The following STOX1 variants were observed in gnomAD, a reference collection of about 807,000 sequenced individuals.
STOX1 encodes storkhead-box protein 1.
STOX1 carries 57 observed loss-of-function variants against 74.8 expected under a neutral mutation model. The observed-to-expected ratio is 0.76, with a 90% CI of 0.62 to 0.95. STOX1 has a LOEUF of 0.95. STOX1 is among the 40% of genes least tolerant of loss of function. STOX1 has a pLI of 0.00. For missense variants in STOX1, 1,010 were observed against 1,117.0 expected (o/e 0.90, Z 1.37); for synonymous variants, 375 against 401.3 (o/e 0.93, Z 0.78).
chr10:68,886,040 AC>A lies in STOX1; in HGVS notation c.2245del (p.Arg749ValfsTer21). 2.5e-6 allele frequency: 4 copies of A among 1,614,272 alleles called. No homozygotes were observed. Among genetic ancestry groups the A allele is most frequent in the African/African-American group, 1.3e-5 (1 of 75,076 alleles). On this transcript the variant is annotated frameshift_variant, in exon 3 of 4. Coordinates refer to ENST00000298596, the MANE Select transcript of STOX1 (RefSeq NM_152709.5). LOFTEE classifies it high-confidence loss of function. Reference protein sequence around the residue: ...EDDISENDDLRQMLPGHSQYS... With the variant: ...EDDISENDDLXQMLPGHSQYS... ...ATGACATTTCTGAGAATGACGACTT[AC>A]GTCAAATGCTGCCTGGCCACAGTCA...
At chr10:68,835,069 C>G (rs1839509724) in intron 1 of STOX1, among the ~76,000 whole-genome samples, 2 of 147,218 alleles carry the variant, frequency 1.4e-5, no homozygotes, top group South Asian at 2.2e-4. Context: ...TGAGATGGAG[C>G]CTTGCTCTTT....
intron 1 of STOX1, among the ~76,000 whole-genome samples, chr10:68,857,780 A>G (rs935247787): frequency 4.6e-5 from 7 of 152,020 alleles, no homozygotes; most frequent in Non-Finnish European, 1.0e-4. Flanking sequence ...GGCACCATGC[A>G]CTGGGCTGCC....
chr10:68,834,746 A>G (rs748888836), intron 1 of STOX1, among the ~76,000 whole-genome samples: 1 of 152,130 alleles, frequency 6.6e-6, no homozygotes, highest in African/African-American at 2.4e-5. Flanking sequence ...GTTTTTTGAG[A>G]TGGAGTCTCA....
At chr10:68,837,204 C>T (rs1839578267) in intron 1 of STOX1, among the ~76,000 whole-genome samples, 1 of 152,194 alleles carries the variant, frequency 6.6e-6, no homozygotes. Context: ...GAATCCCATG[C>T]ATATGTGTAT....
At chr10:68,843,542 TG>T (rs763244077) in intron 1 of STOX1, among the ~76,000 whole-genome samples, 14 of 150,992 alleles carry the variant, frequency 9.3e-5, no homozygotes, top group African/African-American at 1.7e-4. Flanking sequence ...CCGGTTTTTT[TG>T]TTGTTGTTGT....
intron 1 of STOX1, among the ~76,000 whole-genome samples, chr10:68,872,342 C>CTTTCTTTTTTTTTTT: frequency 1.1e-5 from 1 of 89,326 alleles, no homozygotes; most frequent in Non-Finnish European, 2.3e-5. Flanking sequence ...TTTTTCTTTT[C>CTTTCTTTTTTTTTTT]TTTTTTTTTT....
intron 1 of STOX1, among the ~76,000 whole-genome samples, chr10:68,844,800 T>A (rs1459282099): frequency 2.0e-5 from 3 of 152,188 alleles, no homozygotes; most frequent in Non-Finnish European, 4.4e-5. Context: ...TCTCACTTTG[T>A]CACCCAGGCT....
chr10:68,854,476 T>G (rs868842571), intron 1 of STOX1, among the ~76,000 whole-genome samples: 1 of 151,944 alleles, frequency 6.6e-6, no homozygotes, highest in South Asian at 2.1e-4. Context: ...TTTGTTATTT[T>G]TAGTAGAGAT....
At chr10:68,868,314 A>C (rs1162940931) in intron 1 of STOX1, among the ~76,000 whole-genome samples, 1 of 152,258 alleles carries the variant, frequency 6.6e-6, no homozygotes, top group Non-Finnish European at 1.5e-5. Context: ...TGCAGTTTAT[A>C]GATTAACTAA....
intron 1 of STOX1, among the ~76,000 whole-genome samples, chr10:68,855,126 T>A (rs1445214846): frequency 0.073 from 88 of 1,200 alleles, no homozygotes; most frequent in African/African-American, 0.21. Flanking sequence ...AAAAAAAAAT[T>A]TTTTTTTTTT....
rs183735838 is a variant in STOX1, at chr10:68,864,170, C to T, written c.311-17788C>T. Among the ~76,000 whole-genome samples, 240 of 152,086 alleles carry T rather than the reference C, an allele frequency of 1.6e-3. 2 individuals are homozygous for T. The highest frequency in any genetic ancestry group is 5.3e-3 in the African/African-American group (221 of 41,478). Reference sequence around the variant, plus strand: ...CGATCTCCTGACCTCGTGATCCGCCCGCCTCGGCCTCCCAAAGTGTTGGGA... The same window carrying T: ...CGATCTCCTGACCTCGTGATCCGCCTGCCTCGGCCTCCCAAAGTGTTGGGA... On this transcript the variant is annotated intron_variant, in intron 1 of 3. Transcript: ENST00000298596.
intron 1 of STOX1, among the ~76,000 whole-genome samples, chr10:68,844,393 G>T (rs1323029497): frequency 6.7e-6 from 1 of 150,210 alleles, no homozygotes; most frequent in Admixed American, 6.7e-5. Context: ...CTGTCTCCTG[G>T]GTTCAAGTGA....
chr10:68,845,169 C>A (rs1298967402), intron 1 of STOX1, among the ~76,000 whole-genome samples: 1 of 152,046 alleles, frequency 6.6e-6, no homozygotes, highest in African/African-American at 2.4e-5. Flanking sequence ...GTGGTGCGAT[C>A]ACAGCTCACT....
rs144979248 is a variant in STOX1, at chr10:68,879,250, C to T, written c.311-2708C>T. Among the ~76,000 whole-genome samples the T allele has an allele frequency of 8.5e-5, 13 of 152,298 alleles. No individual in the cohort carries two copies. The East Asian group carries it at 2.3e-3, about 27-fold the overall frequency. ...TCCTAGTACTTTGAGAATAGCTCCT[C>T]AAACCCCCTTTCCACCCGCCATCCT... On this transcript the variant is annotated intron_variant, in intron 1 of 3. Coordinates refer to ENST00000298596, the MANE Select transcript of STOX1 (RefSeq NM_152709.5).
intron 1 of STOX1, among the ~76,000 whole-genome samples, chr10:68,866,026 C>T (rs986960867): frequency 2.0e-5 from 3 of 151,902 alleles, no homozygotes; most frequent in African/African-American, 7.3e-5. Context: ...TCCTTCAAAC[C>T]TTGCAAATTT....
intron 1 of STOX1, among the ~76,000 whole-genome samples, chr10:68,832,334 C>T (rs778002900): frequency 2.0e-5 from 3 of 152,332 alleles, no homozygotes; most frequent in South Asian, 2.1e-4. Flanking sequence ...GGGGTGTCTC[C>T]ACCCTGTCAC....
intron 1 of STOX1, among the ~76,000 whole-genome samples, chr10:68,880,164 CTTTTTTT>C (rs71028800): frequency 8.0e-6 from 1 of 124,416 alleles, no homozygotes; most frequent in Non-Finnish European, 1.7e-5. Context: ...TCTTTCTTTC[CTTTTTTT>C]TTTTTTTTTT....
rs200461358 is a variant in STOX1, at chr10:68,852,248, G to GATTTTTTTTTT, written c.310+24315_310+24316insATTTTTTTTTT. On this transcript the variant is annotated intron_variant, in intron 1 of 3. Transcript: ENST00000298596. ...TATGAGTTTAAGTTTTTCTCTTACT[G>GATTTTTTTTTT]CTTTTTTTTTTTTTTTTTTTTGAGA... Among the ~76,000 whole-genome samples the GATTTTTTTTTT allele has an allele frequency of 6.8e-5, 9 of 132,240 alleles. 1 individual carries two copies. Among genetic ancestry groups the GATTTTTTTTTT allele is most frequent in the Admixed American group, 1.7e-4 (2 of 12,024 alleles). 86.8% of individuals were successfully genotyped at this position (132,240 alleles called of 152,430 possible).
At chr10:68,849,746 C>A (rs1159474647) in intron 1 of STOX1, among the ~76,000 whole-genome samples, 2 of 152,168 alleles carry the variant, frequency 1.3e-5, no homozygotes, top group Non-Finnish European at 2.9e-5. Context: ...CATGATTGTT[C>A]TTTCATCCTT....
Sources: gnomAD v4.1 joint callset for allele counts (sites outside exome capture counted in the v4.1 genomes callset) on GRCh38, gnomAD v4.1.1 for gene constraint, MANE v1.5 for transcripts, NCBI Gene and HGNC (gene_info 2026-07-23, HGNC 2026-07-21) for gene names.